ESR1: variants seen among roughly 807,000 people sequenced by gnomAD.
ESR1 encodes estrogen receptor.
ESR1 carries 12 observed loss-of-function variants against 52.7 expected under a neutral mutation model. The ratio of observed to expected loss-of-function variants is 0.23; its 90% CI spans 0.15 to 0.37. ESR1 has a LOEUF of 0.37. Among genes scored for constraint, ESR1 ranks in the 10% least tolerant of loss-of-function variants. The probability of loss-of-function intolerance (pLI) is 1.00; values close to 1 mark genes in which losing one functional copy is unlikely to be tolerated. For synonymous variants in ESR1, 305 were observed against 316.8 expected (o/e 0.96, Z 0.39); for missense variants, 584 against 779.7 (o/e 0.75, Z 2.99).
At chr6:151,881,655 G>A (rs1020505382) in intron 3 of ESR1, among the ~76,000 whole-genome samples, 1 of 152,062 alleles carries the variant, frequency 6.6e-6, no homozygotes, top group African/African-American at 2.4e-5. Flanking sequence ...GGCTGAGGTG[G>A]GCAGATCATC....
intron 4 of ESR1, chr6:151,983,635 C>T (rs1217543731): frequency 1.3e-5 from 2 of 152,034 alleles, no homozygotes; most frequent in East Asian, 3.9e-4. Flanking sequence ...CATCTTATTG[C>T]CTATGATTGG....
At chr6:151,707,789 T>C (rs1466394070) in intron 2 of ESR1, among the ~76,000 whole-genome samples, 1 of 152,156 alleles carries the variant, frequency 6.6e-6, no homozygotes, top group Non-Finnish European at 1.5e-5. Context: ...AGCAAAAATT[T>C]TTCAAAATCC....
chr6:152,103,755 C>T (rs1380963528), downstream of ESR1, among the ~76,000 whole-genome samples: 1 of 152,062 alleles, frequency 6.6e-6, no homozygotes, highest in Non-Finnish European at 1.5e-5. Flanking sequence ...GCTTAAAAAC[C>T]TCTCCCTCAT....
At chr6:151,809,081 A>C (rs1778370614) in intron 1 of ESR1, 1 of 319,114 alleles carries the variant, frequency 3.1e-6, no homozygotes, top group African/African-American at 2.3e-5. Context: ...CCGCGAGTTT[A>C]AAACAAGCCA....
chr6:152,048,487 A>G (rs2046415775), intron 5 of ESR1, among the ~76,000 whole-genome samples: 1 of 150,858 alleles, frequency 6.6e-6, no homozygotes. Context: ...TCTTCTTGGC[A>G]TTGATCAAAT....
chr6:151,670,676 C>T (rs768743827), intron 1 of ESR1, among the ~76,000 whole-genome samples: 3 of 151,900 alleles, frequency 2.0e-5, no homozygotes, highest in Non-Finnish European at 2.9e-5. Context: ...CTCCACCTCC[C>T]GGAATCAAGT....
chr6:151,965,733 A>T (rs1375220610), intron 4 of ESR1, among the ~76,000 whole-genome samples: 2 of 152,080 alleles, frequency 1.3e-5, no homozygotes, highest in Non-Finnish European at 2.9e-5. Context: ...GTGATGAGAG[A>T]TGAAATAATT....
intron 1 of ESR1, among the ~76,000 whole-genome samples, chr6:151,657,664 A>T (rs1170142038): frequency 6.6e-6 from 1 of 152,158 alleles, no homozygotes; most frequent in Non-Finnish European, 1.5e-5. Flanking sequence ...TTTTTCCTGC[A>T]AATCTATCTT....
chr6:151,760,744 C>T (rs1784602479), intron 2 of ESR1, among the ~76,000 whole-genome samples: 1 of 152,214 alleles, frequency 6.6e-6, no homozygotes, highest in African/African-American at 2.4e-5. Flanking sequence ...ACTGCACATA[C>T]TTATCCCACA....
At chr6:152,055,366 C>G (rs2047016320) in intron 5 of ESR1, among the ~76,000 whole-genome samples, 1 of 152,160 alleles carries the variant, frequency 6.6e-6, no homozygotes. Flanking sequence ...TTATTTGCCT[C>G]TTAGCGCTTC....
chr6:151,925,219 T>C (rs1399257915), intron 3 of ESR1, among the ~76,000 whole-genome samples: 1 of 152,234 alleles, frequency 6.6e-6, no homozygotes, highest in Non-Finnish European at 1.5e-5. Flanking sequence ...TTTACATTTC[T>C]CTAATGATTA....
intron 6 of ESR1, among the ~76,000 whole-genome samples, chr6:152,076,016 C>A (rs2048707436): frequency 1.3e-5 from 2 of 152,058 alleles, no homozygotes; most frequent in Admixed American, 1.3e-4. Flanking sequence ...AAGGGGTAAA[C>A]CAATATTTGA....
At chr6:151,926,861 A>T (rs1016393876) in intron 3 of ESR1, among the ~76,000 whole-genome samples, 1 of 152,044 alleles carries the variant, frequency 6.6e-6, no homozygotes, top group African/African-American at 2.4e-5. Context: ...GCCTTATTGC[A>T]CTTGCTGGTA....
At chr6:151,807,464 C>G (rs1778057384), upstream of ESR1, 1 of 249,694 alleles carries the variant, frequency 4.0e-6, no homozygotes, top group Non-Finnish European at 8.0e-6. Context: ...GCCCCCGCCC[C>G]CTGGCCGTGA....
At chr6:151,892,478 A>G (rs1181214903) in intron 3 of ESR1, among the ~76,000 whole-genome samples, 1 of 152,202 alleles carries the variant, frequency 6.6e-6, no homozygotes, top group Non-Finnish European at 1.5e-5. Flanking sequence ...TGATGCTTTC[A>G]TGATAGTGAA....
chr6:151,786,895 C>T (rs921163005), intron 2 of ESR1, among the ~76,000 whole-genome samples: 53 of 152,228 alleles, frequency 3.5e-4, no homozygotes, highest in African/African-American at 8.7e-4. Flanking sequence ...CTGCAACCTC[C>T]GCCTCCCAGG....
intron 2 of ESR1, 70 bp from the exon 3 acceptor site, chr6:151,880,585 G>A (rs1244003674): frequency 1.1e-6 from 1 of 938,868 alleles, no homozygotes; most frequent in Non-Finnish European, 1.8e-6. Flanking sequence ...CCTCCAAAAG[G>A]TTTCCCTGTA....
rs140260451 is a variant in ESR1, at chr6:151,955,395, T to C, written c.1096+10887T>C. ...TTGAAATGGTAAATTTTATGTTATA[T>C]ACATTTTACCAAAATAAAGAAAAGT... On this transcript the variant is annotated intron_variant, in intron 4 of 7. Coordinates refer to ENST00000206249, the MANE Select transcript of ESR1 (RefSeq NM_000125.4). 5.6e-3 allele frequency among the ~76,000 whole-genome samples: 855 copies of C among 152,312 alleles called. 10 individuals carry two copies. Among genetic ancestry groups the C allele is most frequent in the African/African-American group, 0.02 (824 of 41,552 alleles).
intron 3 of ESR1, among the ~76,000 whole-genome samples, chr6:151,935,928 T>C (rs974587596): frequency 1.3e-5 from 2 of 152,212 alleles, no homozygotes; most frequent in Non-Finnish European, 2.9e-5. Flanking sequence ...ATTCAAATCC[T>C]AGAGATCAGT....
Sources: gnomAD v4.1 joint callset for allele counts (sites outside exome capture counted in the v4.1 genomes callset) on GRCh38, gnomAD v4.1.1 for gene constraint, MANE v1.5 for transcripts, NCBI Gene and HGNC (gene_info 2026-07-23, HGNC 2026-07-21) for gene names.